Variants in FOXO1 observed in about 807,000 individuals in gnomAD.
The protein encoded by FOXO1 is forkhead box protein O1.
In FOXO1, 6 loss-of-function variants were observed where a neutral mutation model predicts 44.1. The ratio of observed to expected loss-of-function variants is 0.14; its 90% CI spans 0.07 to 0.27. The LOEUF (loss-of-function observed/expected upper bound fraction) is 0.27. Among genes scored for constraint, FOXO1 ranks in the 10% least tolerant of loss-of-function variants. The pLI is 1.00. For missense variants in FOXO1, 737 were observed against 888.8 expected, an observed-to-expected ratio of 0.83 and a Z score of 2.17; for synonymous variants, 380 against 362.7, an observed-to-expected ratio of 1.05 and a Z score of -0.54.
In FOXO1 at chr13:40,666,180, G is replaced by A. The variant is rs1329014213; in HGVS notation, c.33C>T (p.Asp11=). MAEAPQVVEI[D]PDFEPLPRPR... is the part of the protein sequence containing the mutation. ...GCCGGGGCAGCGGCTCGAAGTCCGG[G>A]TCGATCTCCACCACCTGAGGCGCCT... is the stretch of plus-strand genomic sequence containing the variant. Residue 11 remains aspartate, a synonymous_variant, in exon 1 of 3, where the codon GAC becomes GAT. Transcript: ENST00000379561. The A allele has an allele frequency of 6.2e-6, 9 of 1,457,234 alleles. No individual in the cohort carries two copies. Among genetic ancestry groups the A allele is most frequent in the Non-Finnish European group, 7.2e-6 (8 of 1,107,492 alleles). The allele number at this position is 1,457,234 out of a possible 1,614,324, so 90.3% of individuals were successfully genotyped here.
At chr13:40,569,094 CTA>C (rs1301949502) in intron 1 of FOXO1, among the ~76,000 whole-genome samples, 1 of 152,208 alleles carries the variant, frequency 6.6e-6, no homozygotes, top group African/African-American at 2.4e-5. Context: ...ATCTCTAACT[CTA>C]GTCAGTCATT....
chr13:40,665,467 C>T (rs1174676342), intron 1 of FOXO1, 116 bp downstream of exon 1: 2 of 945,200 alleles, frequency 2.1e-6, no homozygotes, highest in East Asian at 3.3e-5. Flanking sequence ...CGCCCGCCCT[C>T]CTGGGAACGC....
chr13:40,665,593 G>T lies in FOXO1; in HGVS notation c.620C>A (p.Ala207Glu). The T allele has an allele frequency of 7.0e-7, 1 of 1,429,098 alleles. No individual in the cohort carries two copies. Among genetic ancestry groups the T allele is most frequent in the Non-Finnish European group, 9.3e-7 (1 of 1,074,384 alleles). The allele number at this position is 1,429,098 out of a possible 1,614,324, so 88.5% of individuals were successfully genotyped here. A position where few individuals can be genotyped will look rare whatever the true frequency, so the allele number is the denominator to read the frequency against. Residue 207 changes from alanine (A) to glutamate (E), a missense_variant, in exon 1 of 3, where the codon GCG becomes GAG. By Grantham distance (107) the Ala-to-Glu change is moderately radical. Transcript: ENST00000379561. Reference sequence around the variant, plus strand: ...GCCGAGTCCACTCACCTTCCAGCCCGCCGAGCTGTTGCTGTCACCCTTATC... The same window carrying T: ...GCCGAGTCCACTCACCTTCCAGCCCTCCGAGCTGTTGCTGTCACCCTTATC... ...FKDKGDSNSSAGWKNSIRHNL... is the reference protein window; with the variant it reads ...FKDKGDSNSSEGWKNSIRHNL...
rs1311926858 is a variant in FOXO1, at chr13:40,615,397, T to A, written c.630+50186A>T. Among the ~76,000 whole-genome samples the A allele has an allele frequency of 2.0e-5, 3 of 152,020 alleles. No individual in the cohort carries two copies. In the South Asian group the frequency reaches 6.2e-4, roughly 32 times the overall value. The stretch of plus-strand genomic sequence containing the variant: ...ACTAAAAATACAATTTAACCGGGCA[T>A]GGGGGTGCGCGCCTATAATCCCAGC... On this transcript the variant is annotated intron_variant, in intron 1 of 2. Coordinates refer to ENST00000379561, the MANE Select transcript of FOXO1 (RefSeq NM_002015.4).
At chr13:40,646,289 G>C in intron 1 of FOXO1, among the ~76,000 whole-genome samples, 1 of 138,838 alleles carries the variant, frequency 7.2e-6, no homozygotes, top group South Asian at 2.5e-4. Flanking sequence ...TGACTTCTGT[G>C]ACCTTTTTTT....
At chr13:40,597,644 A>G (rs1875632215) in intron 1 of FOXO1, among the ~76,000 whole-genome samples, 1 of 152,138 alleles carries the variant, frequency 6.6e-6, no homozygotes, top group Admixed American at 6.5e-5. Context: ...TGCCCTAGAA[A>G]GAACTTTCCC....
chr13:40,643,347 GA>G lies in FOXO1; in HGVS notation c.630+22235del, dbSNP rs71727126. 6.6e-3 allele frequency among the ~76,000 whole-genome samples: 605 copies of G among 91,404 alleles called. 6 individuals carry two copies. The highest frequency in any genetic ancestry group is 0.022 in the African/African-American group (509 of 23,624). 60.0% of individuals were successfully genotyped at this position (91,404 alleles called of 152,430 possible). On this transcript the variant is annotated intron_variant, in intron 1 of 2. Transcript: ENST00000379561. ...ACAAAGTGAGACTCCGTCTCAAAAA[GA>G]AAAAAAAAAAAAAAAGAAAAGAAGA...
Position 40,561,703 on chromosome 13 carries a change from T to A in FOXO1, c.631-843A>T, listed in dbSNP as rs71427416. On this transcript the variant is annotated intron_variant, in intron 1 of 2. Transcript: ENST00000379561. ...TAGAATATAGGCCAGGCATGGTGGT[T>A]CACACCTATAATCCCAGCACTGTAG... Among the ~76,000 whole-genome samples the A allele has an allele frequency of 3.3e-3, 496 of 152,218 alleles. 4 individuals are homozygous for A. Among genetic ancestry groups the A allele is most frequent in the Non-Finnish European group, 5.8e-3 (395 of 68,016 alleles).
At chr13:40,605,785 C>T (rs1217235274) in intron 1 of FOXO1, among the ~76,000 whole-genome samples, 1 of 152,114 alleles carries the variant, frequency 6.6e-6, no homozygotes, top group African/African-American at 2.4e-5. Context: ...GCTACGTAAG[C>T]CCTGAACCTG....
intron 1 of FOXO1, among the ~76,000 whole-genome samples, chr13:40,568,411 T>A (rs115370972): frequency 5.1e-4 from 77 of 152,336 alleles, no homozygotes; most frequent in African/African-American, 1.7e-3. Flanking sequence ...CAGCTCTTCC[T>A]GCACTTCCAC....
At chr13:40,651,084 G>GC (rs1555253296) in intron 1 of FOXO1, among the ~76,000 whole-genome samples, 2 of 112,528 alleles carry the variant, frequency 1.8e-5, no homozygotes, top group African/African-American at 8.3e-5. Flanking sequence ...AGTTTTTTTG[G>GC]TTTTTTGTTT....
chr13:40,617,427 C>T (rs2137897778), intron 1 of FOXO1, among the ~76,000 whole-genome samples: 1 of 150,330 alleles, frequency 6.7e-6, no homozygotes, highest in East Asian at 2.0e-4. Context: ...AAGAGCAAAA[C>T]TCCGTCTCAA....
intron 1 of FOXO1, among the ~76,000 whole-genome samples, chr13:40,598,668 C>G (rs1291565318): frequency 6.6e-6 from 1 of 152,158 alleles, no homozygotes; most frequent in Non-Finnish European, 1.5e-5. Flanking sequence ...TTCCTAATGT[C>G]CCATCTCTGA....
rs1878204322 is a variant in FOXO1 at position 40,665,573 on chromosome 13, G to A, written c.630+10C>T. 7.3e-7 allele frequency: 1 copy of A among 1,377,290 alleles called. No homozygotes were observed. The highest frequency in any genetic ancestry group is 9.5e-7 in the Non-Finnish European group (1 of 1,048,888). 85.3% of individuals were successfully genotyped at this position (1,377,290 alleles called of 1,614,324 possible). A position where few individuals can be genotyped will look rare whatever the true frequency, so the allele number is the denominator to read the frequency against. ...CCCCCAAGGTCCGGCCGCGCGCCGA[G>A]TCCACTCACCTTCCAGCCCGCCGAG... On this transcript the variant is annotated intron_variant, in intron 1 of 2. Coordinates refer to ENST00000379561, the MANE Select transcript of FOXO1 (RefSeq NM_002015.4).
At chr13:40,625,943 A>G (rs1259978153) in intron 1 of FOXO1, among the ~76,000 whole-genome samples, 1 of 152,174 alleles carries the variant, frequency 6.6e-6, no homozygotes, top group East Asian at 1.9e-4. Context: ...ACCAGGGACC[A>G]GGATAAAGTC....
At chr13:40,657,294 G>A (rs539645817) in intron 1 of FOXO1, among the ~76,000 whole-genome samples, 5 of 151,334 alleles carry the variant, frequency 3.3e-5, no homozygotes, top group Non-Finnish European at 7.4e-5. Context: ...AAATCGTAAG[G>A]GAACAATCTC....
rs1873733455 is a variant in FOXO1 at position 40,556,009 on chromosome 13, C to G, written c.*3040G>C. The G allele has an allele frequency of 1.3e-5, 2 of 152,308 alleles. 1 individual carries two copies. The highest frequency in any genetic ancestry group is 4.1e-4 in the South Asian group (2 of 4,832). The allele number at this position is 152,308 out of a possible 1,614,324, so 9.4% of individuals were successfully genotyped here. ...CTCAAGGAGAGGCCAACTGTAATGC[C>G]AGGTTGGTCTGTTCGCATAAACCAC... On this transcript the variant is annotated 3_prime_UTR_variant, in exon 3 of 3. Coordinates refer to ENST00000379561, the MANE Select transcript of FOXO1 (RefSeq NM_002015.4).
chr13:40,664,378 A>AAGCCT (rs1878145672), intron 1 of FOXO1, among the ~76,000 whole-genome samples: 1 of 151,586 alleles, frequency 6.6e-6, no homozygotes, highest in Non-Finnish European at 1.5e-5. Context: ...CCACGACTGG[A>AAGCCT]CCCCGCCCCC....
chr13:40,610,242 T>C lies in FOXO1; in HGVS notation c.631-49382A>G, dbSNP rs541326147. ...CTGTACTGAGGGAAGGGAGAGGAGA[T>C]AACAACCTATTTATATATGTCTATA... On this transcript the variant is annotated intron_variant, in intron 1 of 2. Transcript: ENST00000379561. Among the ~76,000 whole-genome samples, 11 of 152,232 alleles carry C rather than the reference T, an allele frequency of 7.2e-5. 1 individual carries two copies. The South Asian group carries it at 2.3e-3, about 32-fold the overall frequency.
Sources: allele counts gnomAD v4.1 joint callset (sites outside exome capture counted in the v4.1 genomes callset), GRCh38; gene constraint gnomAD v4.1.1; transcripts MANE v1.5; gene names NCBI Gene and HGNC (gene_info 2026-07-23, HGNC 2026-07-21).